Variants in THSD7A observed in about 807,000 individuals in gnomAD.
THSD7A encodes the protein thrombospondin type-1 domain-containing protein 7A.
THSD7A carries 96 observed loss-of-function variants against 231.3 expected under a neutral mutation model. That is an observed-to-expected ratio of 0.41 (90% CI 0.35 to 0.49). THSD7A has a LOEUF of 0.49. THSD7A is among the 20% of genes least tolerant of loss of function. THSD7A has a pLI of 0.05. For missense variants in THSD7A, 2,290 were observed against 2,070.2 expected (o/e 1.11, Z -2.06); for synonymous variants, 940 against 743.3 (o/e 1.26, Z -4.30).
At chr7:11,473,953 C>T (rs1025799796) in intron 8 of THSD7A, among the ~76,000 whole-genome samples, 1 of 152,142 alleles carries the variant, frequency 6.6e-6, no homozygotes, top group Non-Finnish European at 1.5e-5. Flanking sequence ...GATTGGGCAG[C>T]CTCCGTAGCC....
chr7:11,500,611 G>A (rs1787291241), intron 6 of THSD7A, among the ~76,000 whole-genome samples: 1 of 151,820 alleles, frequency 6.6e-6, no homozygotes. Context: ...AAAATAAAGG[G>A]ATGGAAAAAA....
chr7:11,686,461 G>A lies in THSD7A; in HGVS notation c.191-49500C>T, dbSNP rs563992794. Among the ~76,000 whole-genome samples the A allele has an allele frequency of 2.6e-5, 4 of 151,954 alleles. 1 individual carries two copies. In the South Asian group the frequency reaches 6.2e-4, roughly 24 times the overall value. On this transcript the variant is annotated intron_variant, in intron 1 of 27. Coordinates refer to ENST00000423059, the MANE Select transcript of THSD7A (RefSeq NM_015204.3). ...AGATACATAACAACATGTACATAGG[G>A]TACATATCTGACTTTTTGCTTCAGA... is the stretch of plus-strand genomic sequence containing the variant.
chr7:11,530,349 T>A (rs1034001491), intron 6 of THSD7A, among the ~76,000 whole-genome samples: 1 of 152,084 alleles, frequency 6.6e-6, no homozygotes, highest in Non-Finnish European at 1.5e-5. Flanking sequence ...GTGAGGGCAA[T>A]AATAAAAGTT....
Position 11,590,378 on chromosome 7 carries a change from G to T in THSD7A, c.1453+82C>A. ...GAAATGCAGCCCTCATAACCTGGATGGCTGTGTATATATCCCTTCAGAGCA... is the reference window on the plus strand; with the variant it reads ...GAAATGCAGCCCTCATAACCTGGATTGCTGTGTATATATCCCTTCAGAGCA... On this transcript the variant is annotated intron_variant, in intron 4 of 27. Transcript: ENST00000423059. The surrounding 1 kb of genome is among the most constrained non-coding windows in gnomAD (Gnocchi z 4.4). 1 of 1,398,970 alleles carries T rather than the reference G, an allele frequency of 7.1e-7. No homozygotes were observed. The highest frequency in any genetic ancestry group is 9.6e-7 in the Non-Finnish European group (1 of 1,039,306). 86.7% of individuals were successfully genotyped at this position (1,398,970 alleles called of 1,614,324 possible).
intron 1 of THSD7A, among the ~76,000 whole-genome samples, chr7:11,752,175 C>G (rs1369512933): frequency 6.6e-6 from 1 of 152,082 alleles, no homozygotes; most frequent in Non-Finnish European, 1.5e-5. Flanking sequence ...TAAAAGCACT[C>G]AGACCACATT....
In THSD7A at chr7:11,372,697, C is replaced by T. The variant is rs1353631805; in HGVS notation, c.*3097G>A. On this transcript the variant is annotated 3_prime_UTR_variant, in exon 28 of 28. Transcript: ENST00000423059. ...AACAACAGACCTTCATTCTAGGGAA[C>T]AGCAGTTCTACATCTTTTACCCCCT... is the stretch of plus-strand genomic sequence containing the variant. 1.3e-5 allele frequency: 2 copies of T among 151,960 alleles called. No homozygotes were observed. The highest frequency in any genetic ancestry group is 2.9e-5 in the Non-Finnish European group (2 of 67,970). The allele number at this position is 151,960 out of a possible 1,614,324, so 9.4% of individuals were successfully genotyped here. A position where few individuals can be genotyped will look rare whatever the true frequency, so the allele number is the denominator to read the frequency against.
At chr7:11,766,939 T>G (rs972170667) in intron 1 of THSD7A, among the ~76,000 whole-genome samples, 7 of 152,150 alleles carry the variant, frequency 4.6e-5, no homozygotes, top group Admixed American at 4.6e-4. Flanking sequence ...TTGTCTTAGG[T>G]ATGGTAATGA....
At chr7:11,672,929 T>G (rs1340287253) in intron 1 of THSD7A, among the ~76,000 whole-genome samples, 1 of 152,210 alleles carries the variant, frequency 6.6e-6, no homozygotes. Context: ...AGTAAAATTA[T>G]GATTAAATTC....
At chr7:11,484,326 C>T (rs888525001) in intron 6 of THSD7A, among the ~76,000 whole-genome samples, 16 of 151,958 alleles carry the variant, frequency 1.1e-4, no homozygotes. Flanking sequence ...CTCCTGCAAA[C>T]GAAGCCCATT....
chr7:11,558,013 A>G (rs1789920930), intron 4 of THSD7A, among the ~76,000 whole-genome samples: 2 of 152,072 alleles, frequency 1.3e-5, no homozygotes, highest in Admixed American at 1.3e-4. Flanking sequence ...TGTCTTGCTA[A>G]GTTGGTCTTT....
chr7:11,829,649 C>T (rs1785134778), intron 1 of THSD7A, among the ~76,000 whole-genome samples: 1 of 151,982 alleles, frequency 6.6e-6, no homozygotes, highest in East Asian at 1.9e-4. Flanking sequence ...CCCTTCTTGC[C>T]TCTTTATTTT....
chr7:11,420,825 C>A (rs1176052170), intron 16 of THSD7A, among the ~76,000 whole-genome samples: 2 of 152,210 alleles, frequency 1.3e-5, no homozygotes, highest in African/African-American at 4.8e-5. Context: ...TGGGAACCCA[C>A]CCCTGTGTCA....
intron 8 of THSD7A, among the ~76,000 whole-genome samples, chr7:11,472,260 T>C (rs1030132058): frequency 6.6e-6 from 1 of 152,128 alleles, no homozygotes; most frequent in African/African-American, 2.4e-5. Context: ...TCCCCCCAAA[T>C]CTTATTCAAG....
At chr7:11,792,483 C>A (rs146993919) in intron 1 of THSD7A, among the ~76,000 whole-genome samples, 1 of 151,902 alleles carries the variant, frequency 6.6e-6, no homozygotes, top group African/African-American at 2.4e-5. Context: ...TTGCACCAAG[C>A]CTTATAGTGG....
At chr7:11,810,501 A>C (rs754073129) in intron 1 of THSD7A, among the ~76,000 whole-genome samples, 3 of 152,158 alleles carry the variant, frequency 2.0e-5, no homozygotes, top group Non-Finnish European at 4.4e-5. Context: ...CCATAGCTAA[A>C]GTTCAGTAAA....
In THSD7A at chr7:11,637,675, G is replaced by C. The variant is rs550961233; in HGVS notation, c.191-714C>G. ...TTTTGCAATTTTCTAATCATTGAGA[G>C]GTTATTTGGGGTCTTATTTATTTAT... On this transcript the variant is annotated intron_variant, in intron 1 of 27. Transcript: ENST00000423059. The surrounding 1 kb of genome is among the most constrained non-coding windows in gnomAD (Gnocchi z 4.2). Among the ~76,000 whole-genome samples, 8 of 152,248 alleles carry C rather than the reference G, an allele frequency of 5.3e-5. No homozygotes were observed. Among genetic ancestry groups the C allele is most frequent in the Admixed American group, 2.6e-4 (4 of 15,284 alleles).
intron 1 of THSD7A, among the ~76,000 whole-genome samples, chr7:11,685,651 C>T (rs1441851442): frequency 2.0e-5 from 3 of 151,862 alleles, no homozygotes; most frequent in African/African-American, 7.2e-5. Context: ...CAGAGAGATG[C>T]AAATCAAAAC....
At chr7:11,395,284 T>C (rs983294334) in intron 23 of THSD7A, among the ~76,000 whole-genome samples, 2 of 152,074 alleles carry the variant, frequency 1.3e-5, no homozygotes, top group African/African-American at 4.8e-5. Flanking sequence ...ATCCCAAATA[T>C]AGATGCACCC....
chr7:11,387,155 G>A (rs191337630), intron 23 of THSD7A, among the ~76,000 whole-genome samples: 1 of 152,134 alleles, frequency 6.6e-6, no homozygotes, highest in African/African-American at 2.4e-5. Context: ...GATGCCTCCA[G>A]CTTTGTTCTT....
Sources: allele counts gnomAD v4.1 joint callset (sites outside exome capture counted in the v4.1 genomes callset), GRCh38; gene constraint gnomAD v4.1.1; non-coding constraint Gnocchi (gnomAD v3.1); transcripts MANE v1.5; gene names NCBI Gene and HGNC (gene_info 2026-07-23, HGNC 2026-07-21).